Variants in MGAT5 observed in about 807,000 individuals in gnomAD.
MGAT5 encodes the protein alpha-1,6-mannosylglycoprotein 6-beta-N-acetylglucosaminyltransferase A.
A neutral mutation model predicts 94.3 loss-of-function variants in MGAT5; 30 were observed. The observed-to-expected ratio is 0.32, with a 90% CI of 0.24 to 0.43. The LOEUF (loss-of-function observed/expected upper bound fraction) is 0.43, where lower values mean the gene tolerates loss of function less well. Ranked by LOEUF, MGAT5 falls within the 20% of genes least tolerant of loss-of-function variation. The pLI is 1.00. For missense variants in MGAT5, 691 were observed against 905.5 expected (o/e 0.76, Z 3.04); for synonymous variants, 310 against 322.9 (o/e 0.96, Z 0.43).
chr2:134,402,446 C>G (rs1045592639), intron 10 of MGAT5, among the ~76,000 whole-genome samples: 1 of 152,176 alleles, frequency 6.6e-6, no homozygotes, highest in Non-Finnish European at 1.5e-5. Context: ...CCCATGATCC[C>G]AAATTAGGTG....
intron 1 of MGAT5, among the ~76,000 whole-genome samples, chr2:134,176,031 G>C (rs1173045239): frequency 1.3e-5 from 2 of 152,138 alleles, no homozygotes; most frequent in Admixed American, 1.3e-4. Flanking sequence ...GTTTGTTTTG[G>C]CCAGATCCTC....
At chr2:134,184,904 G>C (rs1688929050) in intron 1 of MGAT5, among the ~76,000 whole-genome samples, 1 of 152,096 alleles carries the variant, frequency 6.6e-6, no homozygotes, top group African/African-American at 2.4e-5. Flanking sequence ...TTGCTCTGCA[G>C]TCATTTATTT....
chr2:134,280,683 G>T (rs947553953), intron 2 of MGAT5, among the ~76,000 whole-genome samples: 1 of 152,228 alleles, frequency 6.6e-6, no homozygotes, highest in African/African-American at 2.4e-5. Flanking sequence ...TTAAACAGCA[G>T]CCACATGATT....
At chr2:134,443,720 T>A (rs1463889314) in intron 15 of MGAT5, among the ~76,000 whole-genome samples, 1 of 152,152 alleles carries the variant, frequency 6.6e-6, no homozygotes, top group Non-Finnish European at 1.5e-5. Context: ...AATTGTAGGG[T>A]CCTGTGAGGG....
At chr2:134,335,256 T>G (rs975730935) in intron 4 of MGAT5, among the ~76,000 whole-genome samples, 3 of 152,140 alleles carry the variant, frequency 2.0e-5, no homozygotes, top group African/African-American at 7.2e-5. Context: ...ATTCCCTCAC[T>G]CTATTGCTCA....
intron 11 of MGAT5, among the ~76,000 whole-genome samples, chr2:134,412,037 G>C (rs1206102699): frequency 1.3e-5 from 2 of 152,312 alleles, no homozygotes; most frequent in East Asian, 3.9e-4. Flanking sequence ...CCACTGTGAT[G>C]GTACGTGCCG....
At position 134,358,208 on chromosome 2, in the gene MGAT5, C is replaced by T. The variant is rs1233694715; in HGVS notation, c.1247-4067C>T. ...CTCCACCTTTTTTTTTTTTTGGATG[C>T]ATAAAAGAACTCTCTGATGCTTCAG... On this transcript the variant is annotated intron_variant, in intron 9 of 15. Transcript: ENST00000281923. Among the ~76,000 whole-genome samples, 5 of 146,052 alleles carry T rather than the reference C, an allele frequency of 3.4e-5. No individual in the cohort carries two copies. The Middle Eastern group carries it at 0.011, about 309-fold the overall frequency.
At chr2:134,242,945 G>C (rs1183912943) in intron 1 of MGAT5, among the ~76,000 whole-genome samples, 2 of 151,744 alleles carry the variant, frequency 1.3e-5, no homozygotes, top group Admixed American at 1.3e-4. Context: ...CAGGGCATTG[G>C]CCTAAGACCA....
In MGAT5 at chr2:134,189,602, G is replaced by GTTTTTTTTTTTGTTTTTTT. The variant is rs1689242328; in HGVS notation, c.-142-64649_-142-64648insGTTTTTTTTTTTTTTTTTT. On this transcript the variant is annotated intron_variant, in intron 1 of 16. Transcript: ENST00000409645. ...AACCTCATGGCTCTAGTTTTTTTTT[G>GTTTTTTTTTTTGTTTTTTT]TTTTTTTTTTTTTTTTTTAAGACAG... 4.7e-5 allele frequency among the ~76,000 whole-genome samples: 4 copies of GTTTTTTTTTTTGTTTTTTT among 84,672 alleles called. 1 individual carries two copies. The highest frequency in any genetic ancestry group is 9.2e-5 in the Non-Finnish European group (4 of 43,580). The allele number at this position is 84,672 out of a possible 152,430, so 55.5% of individuals were successfully genotyped here.
rs1558847400 is a variant in MGAT5 at position 134,387,319 on chromosome 2, TA to T, written c.1381-15668del. Among the ~76,000 whole-genome samples, 129 of 50,348 alleles carry T rather than the reference TA, an allele frequency of 2.6e-3. 3 individuals carry two copies. The highest frequency in any genetic ancestry group is 9.5e-3 in the Admixed American group (51 of 5,356). The allele number at this position is 50,348 out of a possible 152,430, so 33.0% of individuals were successfully genotyped here. A position where few individuals can be genotyped will look rare whatever the true frequency, so the allele number is the denominator to read the frequency against. On this transcript the variant is annotated intron_variant, in intron 10 of 15. Coordinates refer to ENST00000281923, the MANE Select transcript of MGAT5 (RefSeq NM_002410.5). Reference sequence around the variant, plus strand: ...TATGTATGATATATATATATATATATATATATATATATATTTTTTTTTTTTT... The same window carrying T: ...TATGTATGATATATATATATATATATTATATATATATATTTTTTTTTTTTT...
chr2:134,292,326 T>TAGC (rs1685418794), intron 2 of MGAT5, among the ~76,000 whole-genome samples: 2 of 152,138 alleles, frequency 1.3e-5, no homozygotes. Flanking sequence ...GCTTCACATA[T>TAGC]AGCATCTCAT....
intron 1 of MGAT5, among the ~76,000 whole-genome samples, chr2:134,168,282 G>C (rs865850034): frequency 2.0e-5 from 3 of 152,156 alleles, no homozygotes; most frequent in Non-Finnish European, 4.4e-5. Context: ...AAGATGGGGG[G>C]TTGGAGATCA....
intron 1 of MGAT5, among the ~76,000 whole-genome samples, chr2:134,238,028 C>A (rs541991687): frequency 2.6e-5 from 4 of 152,198 alleles, no homozygotes; most frequent in East Asian, 3.9e-4. Flanking sequence ...GGATTACAGG[C>A]GTGAGCCACT....
At chr2:134,135,768 G>T (rs1686383143) in intron 1 of MGAT5, among the ~76,000 whole-genome samples, 1 of 150,074 alleles carries the variant, frequency 6.7e-6, no homozygotes, top group Non-Finnish European at 1.5e-5. Flanking sequence ...TGGTCCCATA[G>T]TGCTCCTCCC....
intron 1 of MGAT5, among the ~76,000 whole-genome samples, chr2:134,183,305 G>A (rs549148025): frequency 2.0e-5 from 3 of 152,226 alleles, no homozygotes; most frequent in East Asian, 3.9e-4. Flanking sequence ...ACATAATTAC[G>A]TCACTCGTTG....
Position 134,451,365 on chromosome 2 carries a change from C to G in MGAT5, c.*2518C>G, listed in dbSNP as rs1040955077. The G allele has an allele frequency of 2.6e-5, 4 of 152,238 alleles. No homozygotes were observed. The highest frequency in any genetic ancestry group is 9.6e-5 in the African/African-American group (4 of 41,452). The allele number at this position is 152,238 out of a possible 1,614,324, so 9.4% of individuals were successfully genotyped here. A position where few individuals can be genotyped will look rare whatever the true frequency, so the allele number is the denominator to read the frequency against. On this transcript the variant is annotated 3_prime_UTR_variant, in exon 16 of 16. Coordinates refer to ENST00000281923, the MANE Select transcript of MGAT5 (RefSeq NM_002410.5). ...CGGAGTTCCACTGACAGGGCAGCTG[C>G]TCTTGGAGCAAACAAGCCCACACTC...
chr2:134,185,350 A>C (rs112520630), intron 1 of MGAT5, among the ~76,000 whole-genome samples: 134 of 152,274 alleles, frequency 8.8e-4, no homozygotes, highest in South Asian at 4.6e-3. Context: ...ATGGCTTTGT[A>C]TATATGAAGG....
chr2:134,238,002 A>G (rs576787499), intron 1 of MGAT5, among the ~76,000 whole-genome samples: 102 of 151,548 alleles, frequency 6.7e-4, no homozygotes, highest in African/African-American at 2.4e-3. Context: ...GCCCACCTTG[A>G]CCTCCCAAAG....
At chr2:134,127,516 C>G (rs1685902002) in intron 1 of MGAT5, among the ~76,000 whole-genome samples, 1 of 122,632 alleles carries the variant, frequency 8.2e-6, no homozygotes, top group Non-Finnish European at 1.7e-5. Flanking sequence ...CAGGCTTGTT[C>G]CAACCCCCCC....
Sources: allele counts gnomAD v4.1 joint callset (sites outside exome capture counted in the v4.1 genomes callset), GRCh38; gene constraint gnomAD v4.1.1; transcripts MANE v1.5; gene names NCBI Gene and HGNC (gene_info 2026-07-23, HGNC 2026-07-21).